SH2D3C: variants seen among roughly 807,000 people sequenced by gnomAD.
SH2D3C encodes the protein SH2 domain-containing protein 3C.
In SH2D3C, 25 loss-of-function variants were observed where a neutral mutation model predicts 75.2. The observed-to-expected ratio is 0.33, with a 90% CI of 0.24 to 0.46. SH2D3C has a LOEUF of 0.46. Among genes scored for constraint, SH2D3C ranks in the 20% least tolerant of loss-of-function variants. SH2D3C has a pLI of 1.00. For missense variants in SH2D3C, 933 were observed against 1,165.3 expected, an observed-to-expected ratio of 0.80 and a Z score of 2.90; for synonymous variants, 450 against 473.7, an observed-to-expected ratio of 0.95 and a Z score of 0.65.
In SH2D3C at chr9:127,751,085, T is replaced by C; in HGVS notation, c.684+87A>G. 2.2e-6 allele frequency: 3 copies of C among 1,356,952 alleles called. No individual in the cohort carries two copies. Among genetic ancestry groups the C allele is most frequent in the Non-Finnish European group, 3.1e-6 (3 of 961,362 alleles). The allele number at this position is 1,356,952 out of a possible 1,614,324, so 84.1% of individuals were successfully genotyped here. ...ATCCACCAAGCAACAGGTCAGAGCCTCCCAGGTGGCTGCAGCCAGGGCTGG... is the reference window on the plus strand; with the variant it reads ...ATCCACCAAGCAACAGGTCAGAGCCCCCCAGGTGGCTGCAGCCAGGGCTGG... On this transcript the variant is annotated intron_variant, in intron 4 of 11. Coordinates refer to ENST00000314830, the MANE Select transcript of SH2D3C (RefSeq NM_170600.3). This position sits in a 1 kb window ranked among gnomAD's most constrained non-coding sequence, Gnocchi z 4.1.
chr9:127,765,888 TA>T (rs1472255008), intron 2 of SH2D3C, among the ~76,000 whole-genome samples: 15 of 152,362 alleles, frequency 9.8e-5, no homozygotes, highest in African/African-American at 3.1e-4. Flanking sequence ...ATAATTGAGC[TA>T]AATCAGTCCC....
At position 127,739,327 on chromosome 9, in the gene SH2D3C, G is replaced by A. The variant is rs1844778081; in HGVS notation, c.2407+355C>T. On this transcript the variant is annotated intron_variant, in intron 11 of 11. Transcript: ENST00000314830. This position sits in a 1 kb window ranked among gnomAD's most constrained non-coding sequence, Gnocchi z 4.3. ...GAGTTCAAGACCAGCGGCCCAACAT[G>A]GTGGAACCCCACCTCTACTAAAAAT... Among the ~76,000 whole-genome samples, 1 of 152,024 alleles carries A rather than the reference G, an allele frequency of 6.6e-6. No individual in the cohort carries two copies. The highest frequency in any genetic ancestry group is 1.5e-5 in the Non-Finnish European group (1 of 68,014).
intron 3 of SH2D3C, among the ~76,000 whole-genome samples, chr9:127,753,820 C>T (rs1395609732): frequency 6.6e-6 from 1 of 152,240 alleles, no homozygotes; most frequent in African/African-American, 2.4e-5. Context: ...TCCCCCAGTT[C>T]CACAGCTGGA....
intron 2 of SH2D3C, chr9:127,766,805 G>C: frequency 1.2e-6 from 1 of 830,224 alleles, no homozygotes; most frequent in South Asian, 1.8e-5. Context: ...CCTGGCATCA[G>C]GTGATCCACC....
intron 2 of SH2D3C, among the ~76,000 whole-genome samples, chr9:127,772,072 C>T (rs1047153699): frequency 3.9e-5 from 6 of 152,118 alleles, no homozygotes; most frequent in Non-Finnish European, 8.8e-5. Flanking sequence ...TCACTCTACC[C>T]CTTTACATGG....
At chr9:127,771,211 T>G in intron 2 of SH2D3C, 1 of 1,546,786 alleles carries the variant, frequency 6.5e-7, no homozygotes, top group Non-Finnish European at 8.7e-7. Context: ...GCGGGGCACC[T>G]TCGGCCCACA....
chr9:127,764,161 G>C (rs1036853627), intron 2 of SH2D3C, among the ~76,000 whole-genome samples: 2 of 152,186 alleles, frequency 1.3e-5, no homozygotes, highest in African/African-American at 2.4e-5. Flanking sequence ...GAGACAGGGT[G>C]CCTGCACAAG....
chr9:127,768,606 A>C (rs1027912611), intron 2 of SH2D3C, among the ~76,000 whole-genome samples: 1 of 152,176 alleles, frequency 6.6e-6, no homozygotes, highest in Non-Finnish European at 1.5e-5. Context: ...CAAACACAGA[A>C]AAGATTCTCC....
intron 7 of SH2D3C, among the ~76,000 whole-genome samples, chr9:127,743,590 C>G (rs1437108643): frequency 1.3e-5 from 2 of 152,206 alleles, no homozygotes; most frequent in African/African-American, 4.8e-5. Context: ...CCCTGAAGCC[C>G]GGGCAGGGAA....
At chr9:127,755,689 G>C (rs1845361849) in intron 3 of SH2D3C, among the ~76,000 whole-genome samples, 1 of 152,202 alleles carries the variant, frequency 6.6e-6, no homozygotes, top group South Asian at 2.1e-4. Flanking sequence ...CCCTGGTTTG[G>C]AATCAGAGAC....
chr9:127,754,702 T>G lies in SH2D3C; in HGVS notation c.556-3402A>C. The G allele has an allele frequency of 2.7e-6, 1 of 364,380 alleles. No individual in the cohort carries two copies. Among genetic ancestry groups the G allele is most frequent in the South Asian group, 1.9e-5 (1 of 51,994 alleles). 22.6% of individuals were successfully genotyped at this position (364,380 alleles called of 1,614,324 possible). On this transcript the variant is annotated intron_variant, in intron 3 of 11. Coordinates refer to ENST00000314830, the MANE Select transcript of SH2D3C (RefSeq NM_170600.3). This position sits in a 1 kb window ranked among gnomAD's most constrained non-coding sequence, Gnocchi z 4.4. Reference sequence around the variant, plus strand: ...TCCCAGTCCGGCGCCCCCGGTACAATGGGGAGCCAGGGTGCCCAGGTCAGC... The same window carrying G: ...TCCCAGTCCGGCGCCCCCGGTACAAGGGGGAGCCAGGGTGCCCAGGTCAGC...
intron 8 of SH2D3C, among the ~76,000 whole-genome samples, chr9:127,742,262 G>C (rs1262969112): frequency 1.3e-5 from 2 of 152,192 alleles, no homozygotes; most frequent in Non-Finnish European, 1.5e-5. Context: ...TTGAGACGGA[G>C]TCTCGCTCTT....
At chr9:127,759,172 T>C (rs1845466148) in intron 3 of SH2D3C, among the ~76,000 whole-genome samples, 1 of 152,124 alleles carries the variant, frequency 6.6e-6, no homozygotes, top group Non-Finnish European at 1.5e-5. Context: ...CTAAAATTTG[T>C]TTTTTAGTTT....
At chr9:127,740,026 G>A in intron 10 of SH2D3C, 138 bp from the exon 11 acceptor site, 1 of 897,718 alleles carries the variant, frequency 1.1e-6, no homozygotes, top group East Asian at 2.7e-5. Flanking sequence ...TGACTCCTGG[G>A]ACAAACCCTT....
intron 1 of SH2D3C, among the ~76,000 whole-genome samples, chr9:127,775,286 G>C (rs1199395139): frequency 6.6e-6 from 1 of 152,118 alleles, no homozygotes; most frequent in Non-Finnish European, 1.5e-5. Flanking sequence ...TTGAGGTCAA[G>C]AGTTCAAAAC....
intron 3 of SH2D3C, among the ~76,000 whole-genome samples, chr9:127,758,964 G>T (rs1020264358): frequency 5.3e-5 from 8 of 152,206 alleles, no homozygotes; most frequent in Admixed American, 2.0e-4. Flanking sequence ...TCAGGGTGAT[G>T]AAATGTCCCT....
intron 7 of SH2D3C, among the ~76,000 whole-genome samples, chr9:127,744,224 C>A (rs539812783): frequency 6.6e-6 from 1 of 151,886 alleles, no homozygotes; most frequent in South Asian, 2.1e-4. Flanking sequence ...GCGCCCACCA[C>A]GACGCCTAGC....
chr9:127,744,480 G>C, intron 7 of SH2D3C, 84 bp downstream of exon 7: 1 of 1,485,078 alleles, frequency 6.7e-7, no homozygotes, highest in East Asian at 2.3e-5. Context: ...TGCTGTACTT[G>C]GGGAATCTGG....
At chr9:127,756,640 CTTTTTTTTTTTT>C (rs573247009) in intron 3 of SH2D3C, among the ~76,000 whole-genome samples, 5 of 93,868 alleles carry the variant, frequency 5.3e-5, no homozygotes. Context: ...TAGGAGGGGG[CTTTTTTTTTTTT>C]TTTTTTTTTT....
Sources: allele counts gnomAD v4.1 joint callset (sites outside exome capture counted in the v4.1 genomes callset), GRCh38; gene constraint gnomAD v4.1.1; non-coding constraint Gnocchi (gnomAD v3.1); transcripts MANE v1.5; gene names NCBI Gene and HGNC (gene_info 2026-07-23, HGNC 2026-07-21).